RAF1: variants seen among roughly 807,000 people sequenced by gnomAD.
RAF1 encodes Raf-1 proto-oncogene, serine/threonine kinase, also known as RAF proto-oncogene serine/threonine-protein kinase.
A neutral mutation model predicts 81.1 loss-of-function variants in RAF1; 27 were observed. The observed-to-expected ratio is 0.33, with a 90% CI of 0.25 to 0.46. RAF1 has a LOEUF of 0.46. Among genes scored for constraint, RAF1 ranks in the 20% least tolerant of loss-of-function variants. The pLI is 1.00. For synonymous variants in RAF1, 298 were observed against 294.0 expected, an observed-to-expected ratio of 1.01 and a Z score of -0.14; for missense variants, 598 against 826.0, an observed-to-expected ratio of 0.72 and a Z score of 3.38.
chr3:12,585,307 A>T (rs2058296569), intron 15 of RAF1, 54 bp from the exon 15 acceptor site: 1 of 1,610,050 alleles, frequency 6.2e-7, no homozygotes, highest in South Asian at 1.1e-5. Flanking sequence ...GACAGGCCTC[A>T]CAGACATCTA....
At chr3:12,591,493 CT>C (rs2058513160) in intron 12 of RAF1, among the ~76,000 whole-genome samples, 1 of 152,150 alleles carries the variant, frequency 6.6e-6, no homozygotes, top group South Asian at 2.1e-4. Flanking sequence ...GGAGGGTATT[CT>C]CCTAAAAAGG....
chr3:12,601,446 G>C (rs3773345), intron 8 of RAF1, among the ~76,000 whole-genome samples: 34,811 of 151,894 alleles, frequency 0.23, 4,496 homozygotes, highest in African/African-American at 0.35. Flanking sequence ...ATTGCAGAGG[G>C]CTCTATGAGA....
intron 2 of RAF1, among the ~76,000 whole-genome samples, chr3:12,613,059 T>A (rs1575590794): frequency 6.6e-6 from 1 of 152,168 alleles, no homozygotes; most frequent in South Asian, 2.1e-4. Context: ...TTTAAATATA[T>A]GTGCACACCA....
At chr3:12,589,934 G>A (rs1050145260) in intron 13 of RAF1, 13 of 151,740 alleles carry the variant, frequency 8.6e-5, no homozygotes, top group African/African-American at 2.9e-4. Flanking sequence ...GGGATTACAA[G>A]CGCCTGCCAC....
At chr3:12,643,691 G>A (rs1468869626) in intron 1 of RAF1, among the ~76,000 whole-genome samples, 1 of 151,236 alleles carries the variant, frequency 6.6e-6, no homozygotes, top group African/African-American at 2.4e-5. Flanking sequence ...AGCCAAAATC[G>A]CACCACTGCA....
intron 1 of RAF1, among the ~76,000 whole-genome samples, chr3:12,619,882 A>G (rs534420329): frequency 6.6e-6 from 1 of 152,140 alleles, no homozygotes; most frequent in Admixed American, 6.5e-5. Context: ...GGAGATCGAG[A>G]CCATCCTAGC....
chr3:12,587,962 CTTTTTT>C (rs33981119), intron 13 of RAF1: 216 of 62,704 alleles, frequency 3.4e-3, no homozygotes, highest in African/African-American at 0.015. Flanking sequence ...ACCATGCCGC[CTTTTTT>C]TTTTTTTTTT....
intron 1 of RAF1, among the ~76,000 whole-genome samples, chr3:12,624,449 T>C (rs2059640468): frequency 1.3e-5 from 2 of 152,312 alleles, no homozygotes; most frequent in African/African-American, 4.8e-5. Flanking sequence ...ACCCTGTTGA[T>C]ACTACCTTCA....
intron 1 of RAF1, among the ~76,000 whole-genome samples, chr3:12,655,506 AAC>A (rs1166781343): frequency 6.6e-6 from 1 of 152,206 alleles, no homozygotes; most frequent in African/African-American, 2.4e-5. Flanking sequence ...CACTGTGCAA[AAC>A]AGTTTGGCAG....
At chr3:12,651,126 C>A (rs1032719722) in intron 1 of RAF1, among the ~76,000 whole-genome samples, 1 of 152,132 alleles carries the variant, frequency 6.6e-6, no homozygotes, top group African/African-American at 2.4e-5. Flanking sequence ...AAATAGCAAG[C>A]CTTTTTACTT....
intron 8 of RAF1, among the ~76,000 whole-genome samples, chr3:12,602,836 G>C (rs1039244): frequency 0.15 from 23,555 of 152,118 alleles, 2,286 homozygotes; most frequent in Non-Finnish European, 0.23. Flanking sequence ...CTGTGCCTAA[G>C]GCAGCAGGTG....
intron 1 of RAF1, among the ~76,000 whole-genome samples, chr3:12,647,288 TC>T (rs1473057049): frequency 1.2e-5 from 1 of 85,634 alleles, no homozygotes; most frequent in Non-Finnish European, 2.2e-5. Context: ...AGAGCGAGAC[TC>T]CATCTCAAAA....
At chr3:12,602,879 G>C (rs1217852792) in intron 8 of RAF1, among the ~76,000 whole-genome samples, 1 of 152,130 alleles carries the variant, frequency 6.6e-6, no homozygotes. Context: ...AGTTGTCTCT[G>C]ATAAGCTTTC....
chr3:12,652,479 C>A (rs2060563360), intron 1 of RAF1, among the ~76,000 whole-genome samples: 1 of 152,084 alleles, frequency 6.6e-6, no homozygotes. Context: ...CAAGTTCGCA[C>A]CACTGCACTC....
intron 1 of RAF1, among the ~76,000 whole-genome samples, chr3:12,638,359 T>C (rs1034485882): frequency 8.6e-5 from 13 of 151,926 alleles, no homozygotes; most frequent in African/African-American, 2.9e-4. Flanking sequence ...ACTAGAACAC[T>C]GACAACTGTG....
At chr3:12,638,034 T>TC (rs1406225059) in intron 1 of RAF1, among the ~76,000 whole-genome samples, 1 of 152,108 alleles carries the variant, frequency 6.6e-6, no homozygotes, top group Non-Finnish European at 1.5e-5. Context: ...ATCCTACCCT[T>TC]CCCCATCATT....
At chr3:12,652,945 A>C in intron 1 of RAF1, among the ~76,000 whole-genome samples, 1 of 89,184 alleles carries the variant, frequency 1.1e-5, no homozygotes, top group Admixed American at 1.3e-4. Context: ...CATCTCAAAA[A>C]AAAAAAATTT....
At chr3:12,620,463 CTT>C (rs1263759298) in intron 1 of RAF1, among the ~76,000 whole-genome samples, 1 of 152,014 alleles carries the variant, frequency 6.6e-6, no homozygotes, top group African/African-American at 2.4e-5. Context: ...TCCATCCACA[CTT>C]TCTTTTTAAT....
At chr3:12,635,663 G>A (rs778434399) in intron 1 of RAF1, among the ~76,000 whole-genome samples, 410 of 138,480 alleles carry the variant, frequency 3.0e-3, no homozygotes, top group Non-Finnish European at 5.0e-3. Context: ...AAAAAAAAGA[G>A]AGAGAGAGAT....
Sources: gnomAD v4.1 joint callset for allele counts (sites outside exome capture counted in the v4.1 genomes callset) on GRCh38, gnomAD v4.1.1 for gene constraint, MANE v1.5 for transcripts, NCBI Gene and HGNC (gene_info 2026-07-23, HGNC 2026-07-21) for gene names.